Variants in NOSTRIN observed in about 807,000 individuals in gnomAD.
NOSTRIN encodes nitric oxide synthase trafficking, also known as BM247 homolog.
Under a neutral mutation model 59.0 loss-of-function variants are expected in NOSTRIN, and 63 were observed. The ratio of observed to expected loss-of-function variants is 1.07; its 90% CI spans 0.87 to 1.32. The LOEUF (loss-of-function observed/expected upper bound fraction) is 1.32. NOSTRIN is among the 40% of genes most tolerant of loss of function. NOSTRIN has a pLI of 0.00. For synonymous variants in NOSTRIN, 200 were observed against 165.4 expected (o/e 1.21, Z -1.61); for missense variants, 512 against 473.1 (o/e 1.08, Z -0.76).
chr2:168,815,783 A>C (rs780432901), intron 2 of NOSTRIN, among the ~76,000 whole-genome samples: 1 of 152,206 alleles, frequency 6.6e-6, no homozygotes, highest in African/African-American at 2.4e-5. Flanking sequence ...ATATCACAGT[A>C]TATTGGACAT....
chr2:168,806,581 A>G (rs986144342), intron 1 of NOSTRIN, among the ~76,000 whole-genome samples: 1 of 152,088 alleles, frequency 6.6e-6, no homozygotes, highest in Admixed American at 6.6e-5. Flanking sequence ...AGAAGGGGTT[A>G]TTATTTTTTT....
At position 168,802,640 on chromosome 2, in the gene NOSTRIN, T is replaced by G; in HGVS notation, c.-7T>G. 3 of 868,790 alleles carry G rather than the reference T, an allele frequency of 3.5e-6. No homozygotes were observed. Among genetic ancestry groups the G allele is most frequent in the Non-Finnish European group, 6.0e-6 (3 of 500,480 alleles). 53.8% of individuals were successfully genotyped at this position (868,790 alleles called of 1,614,324 possible). ...GGTGAAAGGACAAAAGCCAGACACA[T>G]TTCAACATGAGGGACCCACTGACAG... is the stretch of plus-strand genomic sequence containing the variant. On this transcript the variant is annotated 5_prime_UTR_variant, in exon 1 of 16. Transcript: ENST00000317647.
At chr2:168,808,530 G>T (rs1031744062) in intron 1 of NOSTRIN, among the ~76,000 whole-genome samples, 9 of 152,160 alleles carry the variant, frequency 5.9e-5, no homozygotes, top group African/African-American at 2.2e-4. Flanking sequence ...CTTGCACAAG[G>T]CCCCATGGCT....
chr2:168,802,811 T>A (rs1046422771), intron 1 of NOSTRIN, 138 bp downstream of exon 1: 64 of 733,044 alleles, frequency 8.7e-5, no homozygotes, highest in Non-Finnish European at 9.4e-5. Context: ...GGTGCAAAAG[T>A]TTGTGGTTTT....
upstream of NOSTRIN, among the ~76,000 whole-genome samples, chr2:168,802,185 A>G (rs1165514913): frequency 1.3e-5 from 2 of 152,154 alleles, no homozygotes; most frequent in Non-Finnish European, 2.9e-5. Context: ...GGAATTAGCT[A>G]ACCCTCAGAG....
At chr2:168,824,792 T>TTTGTTTGTTTG in intron 3 of NOSTRIN, 75 bp downstream of exon 3, 1 of 276,088 alleles carries the variant, frequency 3.6e-6, no homozygotes, top group Non-Finnish European at 6.4e-6. Context: ...TTGTTTGTTT[T>TTTGTTTGTTTG]TTGAGACAGG....
chr2:168,864,960 C>A lies in NOSTRIN; in HGVS notation c.1511C>A (p.Thr504Lys). ...CCTTCAAATGCTGGCAACACAGCTA[C>A]AAAGGCATAAAACAAGACTCTGAAC... ...ELPSNAGNTA[T>K]KA Residue 504 changes from threonine (T) to lysine (K), a missense_variant, in exon 16 of 16, where the codon ACA becomes AAA. By Grantham distance (78) the Thr-to-Lys change is moderately conservative. Coordinates refer to ENST00000317647, the MANE Select transcript of NOSTRIN (RefSeq NM_001039724.4). 1 of 1,614,024 alleles carries A rather than the reference C, an allele frequency of 6.2e-7. No individual in the cohort carries two copies. Among genetic ancestry groups the A allele is most frequent in the Non-Finnish European group, 8.5e-7 (1 of 1,179,984 alleles).
rs540686267 is a variant in NOSTRIN, at chr2:168,792,086, A to G, written c.-473+4038A>G. Among the ~76,000 whole-genome samples the G allele has an allele frequency of 8.3e-3, 1,257 of 152,256 alleles. 17 individuals carry two copies. The highest frequency in any genetic ancestry group is 0.028 in the African/African-American group (1,184 of 41,550). ...GCCTATGTCCTGAATGGTATTGCCTAGGTTTTCTTCTAGGGTTTTTATGGT... is the reference window on the plus strand; with the variant it reads ...GCCTATGTCCTGAATGGTATTGCCTGGGTTTTCTTCTAGGGTTTTTATGGT... On this transcript the variant is annotated intron_variant, in intron 2 of 20. Transcript: ENST00000458381.
At chr2:168,813,620 A>AAGTAGCTAGAT (rs1301732259) in intron 2 of NOSTRIN, among the ~76,000 whole-genome samples, 26 of 152,156 alleles carry the variant, frequency 1.7e-4, no homozygotes, top group Admixed American at 5.9e-4. Flanking sequence ...AGTGACAAAC[A>AAGTAGCTAGAT]TATCCAGTGG....
chr2:168,850,867 G>A (rs1688723322), intron 8 of NOSTRIN: 1 of 796,116 alleles, frequency 1.3e-6, no homozygotes, highest in African/African-American at 1.7e-5. Context: ...TATGCCTTTT[G>A]GGTCAAAAGA....
intron 2 of NOSTRIN, among the ~76,000 whole-genome samples, chr2:168,791,154 C>A (rs1039516057): frequency 6.6e-6 from 1 of 152,140 alleles, no homozygotes; most frequent in Non-Finnish European, 1.5e-5. Context: ...TTCCCCACCC[C>A]ACAACAGTCC....
At chr2:168,831,774 T>G (rs1474974210) in intron 6 of NOSTRIN, among the ~76,000 whole-genome samples, 2 of 152,226 alleles carry the variant, frequency 1.3e-5, no homozygotes, top group East Asian at 3.8e-4. Flanking sequence ...TTTATGTATT[T>G]AATCATCACA....
chr2:168,850,670 T>G (rs1688707406), intron 8 of NOSTRIN, among the ~76,000 whole-genome samples: 1 of 151,856 alleles, frequency 6.6e-6, no homozygotes, highest in South Asian at 2.1e-4. Context: ...CCTAGCACTT[T>G]GGGAGGCCAA....
At chr2:168,861,067 G>A (rs1449434994) in intron 14 of NOSTRIN, among the ~76,000 whole-genome samples, 158 bp downstream of exon 14, 1 of 152,202 alleles carries the variant, frequency 6.6e-6, no homozygotes, top group East Asian at 1.9e-4. Context: ...GTAGCTTTAT[G>A]TAAAAATGGG....
chr2:168,831,820 A>AT (rs1047370525), intron 6 of NOSTRIN, among the ~76,000 whole-genome samples: 1 of 152,156 alleles, frequency 6.6e-6, no homozygotes, highest in Non-Finnish European at 1.5e-5. Flanking sequence ...GCATTGCCCC[A>AT]TTTTACAGAT....
At chr2:168,857,394 G>A (rs906463304) in intron 12 of NOSTRIN, among the ~76,000 whole-genome samples, 2 of 152,150 alleles carry the variant, frequency 1.3e-5, no homozygotes, top group African/African-American at 4.8e-5. Flanking sequence ...TCTGGTGTGT[G>A]AGGCAAAATC....
At chr2:168,817,180 C>T (rs1339230110) in intron 2 of NOSTRIN, among the ~76,000 whole-genome samples, 1 of 152,166 alleles carries the variant, frequency 6.6e-6, no homozygotes, top group Non-Finnish European at 1.5e-5. Context: ...GGATTCCTAC[C>T]CAGCTCAACC....
At chr2:168,813,629 G>A (rs1440247838) in intron 2 of NOSTRIN, among the ~76,000 whole-genome samples, 1 of 152,032 alleles carries the variant, frequency 6.6e-6, no homozygotes, top group African/African-American at 2.4e-5. Context: ...CATATCCAGT[G>A]GGGAAGAAAC....
At chr2:168,826,477 C>G (rs1182832445) in intron 3 of NOSTRIN, among the ~76,000 whole-genome samples, 2 of 149,378 alleles carry the variant, frequency 1.3e-5, no homozygotes, top group East Asian at 3.9e-4. Context: ...TTCCTTCGTT[C>G]CTTCTCTTTC....
Sources: allele counts gnomAD v4.1 joint callset (sites outside exome capture counted in the v4.1 genomes callset), GRCh38; gene constraint gnomAD v4.1.1; transcripts MANE v1.5; gene names NCBI Gene and HGNC (gene_info 2026-07-23, HGNC 2026-07-21).